The following INPP4B variants were observed in gnomAD, a reference collection of about 807,000 sequenced individuals.
INPP4B encodes the protein inositol polyphosphate 4-phosphatase type II.
In INPP4B, 55 loss-of-function variants were observed where a neutral mutation model predicts 122.5. That is an observed-to-expected ratio of 0.45 (90% CI 0.36 to 0.56). The LOEUF is 0.56. Ranked by LOEUF, INPP4B falls within the 20% of genes least tolerant of loss-of-function variation. INPP4B has a pLI of 0.00. For missense variants in INPP4B, 1,000 were observed against 1,097.7 expected (o/e 0.91, Z 1.26); for synonymous variants, 403 against 388.7 (o/e 1.04, Z -0.43).
chr4:142,053,214 G>A (rs1755614612), intron 25 of INPP4B, among the ~76,000 whole-genome samples: 1 of 152,008 alleles, frequency 6.6e-6, no homozygotes. Flanking sequence ...CAAAAATTGT[G>A]GAGAAGGGAA....
At chr4:142,681,888 T>C (rs1176288383) in intron 2 of INPP4B, among the ~76,000 whole-genome samples, 2 of 151,888 alleles carry the variant, frequency 1.3e-5, no homozygotes, top group Non-Finnish European at 2.9e-5. Flanking sequence ...GATATTGCTG[T>C]CTATGCTTTA....
intron 25 of INPP4B, among the ~76,000 whole-genome samples, chr4:142,040,474 T>C (rs1252302048): frequency 6.6e-6 from 1 of 152,110 alleles, no homozygotes; most frequent in East Asian, 1.9e-4. Flanking sequence ...CGTAAAATAA[T>C]AGAGATTGAC....
chr4:142,727,628 C>A lies in INPP4B; in HGVS notation c.-253-1727G>T, dbSNP rs148074785. 8.5e-3 allele frequency among the ~76,000 whole-genome samples: 1,289 copies of A among 152,228 alleles called. 13 individuals carry two copies. Among genetic ancestry groups the A allele is most frequent in the African/African-American group, 0.028 (1,175 of 41,540 alleles). On this transcript the variant is annotated intron_variant, in intron 1 of 25. Coordinates refer to ENST00000262992, the MANE Select transcript of INPP4B (RefSeq NM_001101669.3). ...GGGTGCCATGGCTCACCCCTGTAAT[C>A]CCAGCACTTTGGAAGGCCAAGGTGG...
chr4:142,134,867 A>G (rs1207603441), intron 18 of INPP4B, among the ~76,000 whole-genome samples: 1 of 151,174 alleles, frequency 6.6e-6, no homozygotes, highest in Non-Finnish European at 1.5e-5. Flanking sequence ...AGCTTCATTC[A>G]TTGATCTTTT....
intron 2 of INPP4B, among the ~76,000 whole-genome samples, chr4:142,692,115 T>A (rs753284175): frequency 4.6e-5 from 7 of 152,174 alleles, no homozygotes; most frequent in Non-Finnish European, 1.0e-4. Context: ...TAGGTTATCA[T>A]GAAGGAGCCA....
At chr4:142,075,218 A>G (rs756619265) in intron 25 of INPP4B, among the ~76,000 whole-genome samples, 2 of 152,012 alleles carry the variant, frequency 1.3e-5, no homozygotes, top group Non-Finnish European at 2.9e-5. Context: ...GACTATGAAA[A>G]TGACGACCAC....
At chr4:142,814,203 A>G (rs1400214078) in intron 1 of INPP4B, among the ~76,000 whole-genome samples, 3 of 152,196 alleles carry the variant, frequency 2.0e-5, no homozygotes, top group Non-Finnish European at 2.9e-5. Context: ...CATCCTCTCT[A>G]GAGGAGATTG....
intron 12 of INPP4B, among the ~76,000 whole-genome samples, chr4:142,224,868 G>A (rs534223407): frequency 9.9e-5 from 15 of 152,090 alleles, no homozygotes; most frequent in African/African-American, 2.7e-4. Flanking sequence ...GATAAGGCGC[G>A]TGTATTCTCT....
chr4:142,404,842 AGTCT>A (rs1802818335), intron 6 of INPP4B, among the ~76,000 whole-genome samples: 1 of 152,046 alleles, frequency 6.6e-6, no homozygotes, highest in Non-Finnish European at 1.5e-5. Flanking sequence ...TTCAATTTAA[AGTCT>A]GTATGTTGTT....
chr4:142,435,897 G>A (rs1810379492), intron 3 of INPP4B, among the ~76,000 whole-genome samples: 3 of 152,134 alleles, frequency 2.0e-5, no homozygotes, highest in Admixed American at 6.5e-5. Context: ...GGTTTCTGGG[G>A]GGAGGGGCGG....
chr4:142,582,428 G>C (rs1735304077), intron 2 of INPP4B, among the ~76,000 whole-genome samples: 1 of 152,070 alleles, frequency 6.6e-6, no homozygotes, highest in Admixed American at 6.6e-5. Flanking sequence ...GTAACTAGAG[G>C]TCTATGAAAC....
At position 142,665,387 on chromosome 4, in the gene INPP4B, G is replaced by A. The variant is rs565010555; in HGVS notation, c.-191+60452C>T. Among the ~76,000 whole-genome samples, 33 of 151,788 alleles carry A rather than the reference G, an allele frequency of 2.2e-4. No individual in the cohort carries two copies. The South Asian group carries it at 6.0e-3, about 28-fold the overall frequency. On this transcript the variant is annotated intron_variant, in intron 2 of 25. Coordinates refer to ENST00000262992, the MANE Select transcript of INPP4B (RefSeq NM_001101669.3). ...CAGGCACCTGTAGTCCCAGCTACTC[G>A]GGAGGCTGAGGCAGGAGAATGGCGT...
chr4:142,240,516 T>C (rs1287514002), intron 11 of INPP4B, among the ~76,000 whole-genome samples: 1 of 152,198 alleles, frequency 6.6e-6, no homozygotes, highest in African/African-American at 2.4e-5. Flanking sequence ...AAGAAAATAC[T>C]TGTAACAATT....
intron 2 of INPP4B, among the ~76,000 whole-genome samples, chr4:142,561,974 CTCTTTT>C (rs915167625): frequency 4.0e-5 from 6 of 151,488 alleles, no homozygotes; most frequent in African/African-American, 9.7e-5. Flanking sequence ...TTTTTTTGTT[CTCTTTT>C]TCTTTTTCTT....
intron 7 of INPP4B, among the ~76,000 whole-genome samples, chr4:142,378,220 T>C (rs1792736253): frequency 6.6e-6 from 1 of 152,152 alleles, no homozygotes; most frequent in African/African-American, 2.4e-5. Context: ...GATCTGAGAC[T>C]AGAACTTTTG....
chr4:142,633,544 G>A (rs899452910), intron 2 of INPP4B, among the ~76,000 whole-genome samples: 1 of 152,104 alleles, frequency 6.6e-6, no homozygotes, highest in African/African-American at 2.4e-5. Context: ...TGTACACAGT[G>A]CAGTTAAGCA....
chr4:142,487,190 C>T (rs796952527), intron 2 of INPP4B, among the ~76,000 whole-genome samples: 16 of 152,118 alleles, frequency 1.1e-4, no homozygotes, highest in Admixed American at 9.2e-4. Flanking sequence ...ATGTGACTAG[C>T]TCCTCCTTGC....
intron 7 of INPP4B, among the ~76,000 whole-genome samples, chr4:142,330,963 C>G (rs1056010331): frequency 1.3e-5 from 2 of 152,162 alleles, no homozygotes; most frequent in Non-Finnish European, 2.9e-5. Flanking sequence ...TTTGTCCTAT[C>G]AAAAGTTGTA....
chr4:142,818,582 A>G (rs576547325), intron 1 of INPP4B, among the ~76,000 whole-genome samples: 1 of 152,320 alleles, frequency 6.6e-6, no homozygotes, highest in South Asian at 2.1e-4. Flanking sequence ...TTGACAATAT[A>G]GAAAGGAAAT....
Sources: allele counts gnomAD v4.1 joint callset (sites outside exome capture counted in the v4.1 genomes callset), GRCh38; gene constraint gnomAD v4.1.1; transcripts MANE v1.5; gene names NCBI Gene and HGNC (gene_info 2026-07-23, HGNC 2026-07-21).